Variants in TENT4A observed in about 807,000 individuals in gnomAD.
TENT4A encodes the protein terminal nucleotidyltransferase 4A, also known as DNA polymerase kappa.
TENT4A carries 7 observed loss-of-function variants against 72.8 expected under a neutral mutation model. That is an observed-to-expected ratio of 0.10 (90% CI 0.05 to 0.18). The LOEUF (loss-of-function observed/expected upper bound fraction) is 0.18, where lower values mean the gene tolerates loss of function less well. Among genes scored for constraint, TENT4A ranks in the 10% least tolerant of loss-of-function variants. The pLI is 1.00. For synonymous variants in TENT4A, 456 were observed against 434.3 expected, an observed-to-expected ratio of 1.05 and a Z score of -0.62; for missense variants, 831 against 1,017.7, an observed-to-expected ratio of 0.82 and a Z score of 2.50.
intron 1 of TENT4A, among the ~76,000 whole-genome samples, chr5:6,717,410 G>A (rs1175577053): frequency 6.6e-6 from 1 of 152,256 alleles, no homozygotes; most frequent in Admixed American, 6.5e-5. Context: ...ACCCAGTTGG[G>A]TCTTTGCCTG....
chr5:6,718,476 C>T (rs1740491247), intron 1 of TENT4A, among the ~76,000 whole-genome samples: 1 of 152,130 alleles, frequency 6.6e-6, no homozygotes. Flanking sequence ...GTCCAGGATG[C>T]ATGAGAGAGG....
chr5:6,739,927 C>G, intron 4 of TENT4A, 75 bp downstream of exon 4: 1 of 1,420,264 alleles, frequency 7.0e-7, no homozygotes. Context: ...GATACGCCTG[C>G]GTCACGAGCT....
chr5:6,747,098 T>C (rs532644552), intron 7 of TENT4A, among the ~76,000 whole-genome samples: 1 of 152,272 alleles, frequency 6.6e-6, no homozygotes, highest in Non-Finnish European at 1.5e-5. Flanking sequence ...ATTTCTTTAA[T>C]GATTAGTGGG....
In TENT4A at chr5:6,737,677, G is replaced by A. The variant is rs745741016; in HGVS notation, c.840+44G>A. 10 of 1,591,546 alleles carry A rather than the reference G, an allele frequency of 6.3e-6. No individual in the cohort carries two copies. In the South Asian group the frequency reaches 1.0e-4, roughly 16 times the overall value. ...GTTCTGTGTCGCACGTCACGTGCGA[G>A]TAAATTTAAATACCCTGTGATGATG... On this transcript the variant is annotated intron_variant, in intron 2 of 12. Coordinates refer to ENST00000230859, the MANE Select transcript of TENT4A (RefSeq NM_006999.6).
chr5:6,751,252 G>A (rs909344987), intron 11 of TENT4A, 55 bp downstream of exon 11: 103 of 1,558,576 alleles, frequency 6.6e-5, no homozygotes, highest in Middle Eastern at 1.7e-4. Flanking sequence ...CAGCATCCGA[G>A]CTGTGATATG....
At chr5:6,726,996 A>G (rs1291906448) in intron 1 of TENT4A, among the ~76,000 whole-genome samples, 5 of 151,952 alleles carry the variant, frequency 3.3e-5, no homozygotes, top group African/African-American at 9.7e-5. Context: ...CTCTTAGTAC[A>G]TGGGCTCTGC....
intron 1 of TENT4A, among the ~76,000 whole-genome samples, chr5:6,729,759 T>G (rs999460813): frequency 2.6e-5 from 4 of 152,322 alleles, no homozygotes; most frequent in African/African-American, 9.6e-5. Context: ...ACTGAACCCC[T>G]TGGTGGTTTT....
chr5:6,741,163 A>G lies in TENT4A; in HGVS notation c.1008+1311A>G, dbSNP rs28363363. Among the ~76,000 whole-genome samples, 390 of 152,264 alleles carry G rather than the reference A, an allele frequency of 2.6e-3. 1 individual carries two copies. Among genetic ancestry groups the G allele is most frequent in the Non-Finnish European group, 4.2e-3 (284 of 68,012 alleles). ...GTCCCAGTGACCTCGTTACTGTCGC[A>G]TATTGGCTACTAAGTATCTTTTCCT... On this transcript the variant is annotated intron_variant, in intron 4 of 12. Transcript: ENST00000230859.
intron 1 of TENT4A, among the ~76,000 whole-genome samples, chr5:6,718,741 G>A (rs1731396824): frequency 6.6e-6 from 1 of 152,202 alleles, no homozygotes. Flanking sequence ...AGCTCCACAA[G>A]GTGAAATTGA....
intron 4 of TENT4A, among the ~76,000 whole-genome samples, chr5:6,740,316 G>C (rs1741734023): frequency 6.6e-6 from 1 of 152,168 alleles, no homozygotes; most frequent in African/African-American, 2.4e-5. Context: ...TATATGAAAA[G>C]CCTTTTATCT....
Position 6,743,604 on chromosome 5 carries a change from CA to C in TENT4A, c.1117-106del. On this transcript the variant is annotated intron_variant, in intron 5 of 12. Transcript: ENST00000230859. ...TAATGACTGAGAGCCTTCAGATGGG[CA>C]AGAGGATCGAGGAAACTTTCCTTTC... 3.4e-6 allele frequency: 3 copies of C among 871,124 alleles called. No individual in the cohort carries two copies. The South Asian group carries it at 5.1e-5, about 15-fold the overall frequency. The allele number at this position is 871,124 out of a possible 1,614,324, so 54.0% of individuals were successfully genotyped here.
intron 4 of TENT4A, 29 bp downstream of exon 4, chr5:6,739,881 C>T (rs751432434): frequency 3.1e-5 from 50 of 1,605,082 alleles, no homozygotes; most frequent in Admixed American, 2.5e-4. Flanking sequence ...CCCCTCTGAC[C>T]GGGCAGGAGC....
rs571891676 is a variant in TENT4A, at chr5:6,720,196, C to A, written c.716+5497C>A. Among the ~76,000 whole-genome samples the A allele has an allele frequency of 3.9e-5, 6 of 152,298 alleles. No individual in the cohort carries two copies. The South Asian group carries it at 1.2e-3, about 32-fold the overall frequency. ...TATGGGCTTGTGTTATTGAGTCAGG[C>A]TCCTGCAGATAACCTGCCTACCTGA... is the stretch of plus-strand genomic sequence containing the variant. On this transcript the variant is annotated intron_variant, in intron 1 of 12. Transcript: ENST00000230859.
intron 1 of TENT4A, among the ~76,000 whole-genome samples, chr5:6,721,325 T>G (rs1451081118): frequency 6.6e-6 from 1 of 152,206 alleles, no homozygotes; most frequent in Admixed American, 6.5e-5. Context: ...TTTTAAAAAA[T>G]AAAGTCTGTT....
Position 6,748,537 on chromosome 5 carries a change from C to T in TENT4A, c.1533C>T (p.Leu511=). 6.2e-7 allele frequency: 1 copy of T among 1,614,076 alleles called. No homozygotes were observed. Among genetic ancestry groups the T allele is most frequent in the South Asian group, 1.1e-5 (1 of 91,066 alleles). Residue 511 remains leucine (L), a synonymous_variant, in exon 8 of 13, where the codon CTC becomes CTT. Coordinates refer to ENST00000230859, the MANE Select transcript of TENT4A (RefSeq NM_006999.6). ...KQVFDYAYIV[L]SHAVSPLARS... ...TCTTCGATTATGCCTACATAGTGCT[C>T]AGCCATGCTGTGTCACCGCTGGCCA...
chr5:6,714,306 TGTCGTCCTCGTC>T lies in TENT4A; in HGVS notation c.333_344del (p.Ser114_Ser117del), dbSNP rs1740246629. 2.7e-6 allele frequency: 3 copies of T among 1,104,120 alleles called. No homozygotes were observed. The highest frequency in any genetic ancestry group is 2.2e-6 in the Non-Finnish European group (2 of 907,504). The allele number at this position is 1,104,120 out of a possible 1,614,324, so 68.4% of individuals were successfully genotyped here. On this transcript the variant is annotated inframe_deletion, in exon 1 of 13. Coordinates refer to ENST00000230859, the MANE Select transcript of TENT4A (RefSeq NM_006999.6). ...CGGCGCTTGCACAAGTCGCCGTCGC[TGTCGTCCTCGTC>T]GTCGTCCTCCTCGTCCAACGCGGAG...
chr5:6,748,547 G>C lies in TENT4A; in HGVS notation c.1543G>C (p.Val515Leu), dbSNP rs756358277. Residue 515 changes from valine (V) to leucine (L), a missense_variant, in exon 8 of 13, where the codon GTG becomes CTG. Coordinates refer to ENST00000230859, the MANE Select transcript of TENT4A (RefSeq NM_006999.6). The stretch of plus-strand genomic sequence containing the variant: ...TGCCTACATAGTGCTCAGCCATGCT[G>C]TGTCACCGCTGGCCAGGTCCTATCC... ...DYAYIVLSHA[V>L]SPLARSYPNR... 5.0e-6 allele frequency: 8 copies of C among 1,613,876 alleles called. No homozygotes were observed. Among genetic ancestry groups the C allele is most frequent in the Non-Finnish European group, 6.8e-6 (8 of 1,179,884 alleles).
intron 4 of TENT4A, among the ~76,000 whole-genome samples, chr5:6,741,279 G>A (rs1228959536): frequency 6.6e-6 from 1 of 152,200 alleles, no homozygotes; most frequent in African/African-American, 2.4e-5. Flanking sequence ...GGCCAGTCAT[G>A]GGCACAAGAG....
At position 6,744,014 on chromosome 5, in the gene TENT4A, T is replaced by G. The variant is rs9313168; in HGVS notation, c.1245+174T>G. 6.8e-3 allele frequency among the ~76,000 whole-genome samples: 1,036 copies of G among 152,350 alleles called. 10 individuals carry two copies. The highest frequency in any genetic ancestry group is 0.022 in the African/African-American group (915 of 41,576). On this transcript the variant is annotated intron_variant, in intron 6 of 12. Transcript: ENST00000230859. The stretch of plus-strand genomic sequence containing the variant: ...CAAACCCTCTTGATTAATGCACCTT[T>G]CTGGATGCTCATTTTGTACTGGGTG...
Sources: gnomAD v4.1 joint callset for allele counts (sites outside exome capture counted in the v4.1 genomes callset) on GRCh38, gnomAD v4.1.1 for gene constraint, MANE v1.5 for transcripts, NCBI Gene and HGNC (gene_info 2026-07-23, HGNC 2026-07-21) for gene names.